Variants in LMX1A observed in about 807,000 individuals in gnomAD.
The protein encoded by LMX1A is LIM homeobox transcription factor 1 alpha.
LMX1A carries 15 observed loss-of-function variants against 49.1 expected under a neutral mutation model. The ratio of observed to expected loss-of-function variants is 0.31; its 90% confidence interval spans 0.20 to 0.47. The LOEUF (loss-of-function observed/expected upper bound fraction) is 0.47, where lower values mean the gene tolerates loss of function less well. Among genes scored for constraint, LMX1A ranks in the 20% least tolerant of loss-of-function variants. LMX1A has a pLI of 1.00. For synonymous variants in LMX1A, 167 were observed against 185.7 expected, an observed-to-expected ratio of 0.90 and a Z score of 0.82; for missense variants, 372 against 475.8, an observed-to-expected ratio of 0.78 and a Z score of 2.03.
chr1:165,339,685 T>C (rs1323722524), intron 3 of LMX1A, among the ~76,000 whole-genome samples: 7 of 152,168 alleles, frequency 4.6e-5, no homozygotes, highest in Admixed American at 2.0e-4. Context: ...CCAGCCCCTG[T>C]ACTGCAGTGA....
At chr1:165,354,536 G>C (rs996438022) in intron 2 of LMX1A, among the ~76,000 whole-genome samples, 3 of 152,104 alleles carry the variant, frequency 2.0e-5, no homozygotes, top group African/African-American at 7.2e-5. Flanking sequence ...GTTCCCGAAA[G>C]GGGGGTTCAA....
intron 3 of LMX1A, among the ~76,000 whole-genome samples, chr1:165,320,006 T>C (rs1366703966): frequency 6.6e-6 from 1 of 152,164 alleles, no homozygotes; most frequent in Non-Finnish European, 1.5e-5. Flanking sequence ...AACCTCTACC[T>C]CCACCTAGAT....
intron 3 of LMX1A, among the ~76,000 whole-genome samples, chr1:165,320,907 C>G (rs1381949213): frequency 6.6e-6 from 1 of 152,148 alleles, no homozygotes; most frequent in Non-Finnish European, 1.5e-5. Context: ...TACACAAAAG[C>G]TAAACATTAT....
chr1:165,271,189 T>G (rs1653781670), intron 3 of LMX1A, among the ~76,000 whole-genome samples: 1 of 136,868 alleles, frequency 7.3e-6, no homozygotes, highest in Non-Finnish European at 1.7e-5. Context: ...TAAGAAAGAA[T>G]TTTTTTGCTC....
chr1:165,284,864 C>T (rs754656969), intron 3 of LMX1A, among the ~76,000 whole-genome samples: 3 of 152,126 alleles, frequency 2.0e-5, no homozygotes, highest in African/African-American at 4.8e-5. Flanking sequence ...AGGAGATTTT[C>T]GGGTTTCTGA....
intron 4 of LMX1A, 50 bp from the exon 5 acceptor site, chr1:165,213,863 G>A (rs754928034): frequency 6.4e-7 from 1 of 1,572,736 alleles, no homozygotes; most frequent in Non-Finnish European, 8.7e-7. Context: ...CCAGTTCCTG[G>A]AGCTGTATGT....
chr1:165,353,291 A>G (rs1333707034), intron 2 of LMX1A, 29 bp from the exon 3 acceptor site: 3 of 1,597,074 alleles, frequency 1.9e-6, no homozygotes, highest in South Asian at 2.2e-5. Flanking sequence ...TTGGCGGGTG[A>G]GCAGCCCGGG....
intron 2 of LMX1A, among the ~76,000 whole-genome samples, chr1:165,354,356 C>A (rs942109801): frequency 4.8e-4 from 73 of 152,134 alleles, no homozygotes; most frequent in African/African-American, 1.7e-3. Flanking sequence ...ATTCTATTTT[C>A]TTTCGGTAGG....
intron 4 of LMX1A, among the ~76,000 whole-genome samples, chr1:165,219,513 AC>A (rs1651763282): frequency 6.6e-6 from 1 of 152,248 alleles, no homozygotes; most frequent in African/African-American, 2.4e-5. Flanking sequence ...TATTTCAGTC[AC>A]TGCCCTGCAC....
At chr1:165,257,137 A>T (rs1192656055) in intron 3 of LMX1A, among the ~76,000 whole-genome samples, 1 of 152,092 alleles carries the variant, frequency 6.6e-6, no homozygotes, top group Non-Finnish European at 1.5e-5. Flanking sequence ...CTTTTTACCC[A>T]TTATCTAACT....
At position 165,279,209 on chromosome 1, in the gene LMX1A, C is replaced by T. The variant is rs1654064793; in HGVS notation, c.264-29569G>A. Among the ~76,000 whole-genome samples the T allele has an allele frequency of 1.3e-5, 2 of 152,164 alleles. 1 individual carries two copies. The highest frequency in any genetic ancestry group is 4.1e-4 in the South Asian group (2 of 4,822). ...CCAATGAAGGCTGAAGTCTGTTATC[C>T]TTTGCAGGGGCTCCTGTGGTTGTGA... On this transcript the variant is annotated intron_variant, in intron 3 of 8. Coordinates refer to ENST00000342310, the MANE Select transcript of LMX1A (RefSeq NM_177398.4).
At chr1:165,294,762 G>A (rs1211579337) in intron 3 of LMX1A, among the ~76,000 whole-genome samples, 3 of 152,158 alleles carry the variant, frequency 2.0e-5, no homozygotes, top group Admixed American at 6.5e-5. Flanking sequence ...TCAGGAATTC[G>A]AGAACAGCCT....
At chr1:165,244,834 C>A (rs1026557377) in intron 4 of LMX1A, among the ~76,000 whole-genome samples, 1 of 131,858 alleles carries the variant, frequency 7.6e-6, no homozygotes, top group African/African-American at 2.9e-5. Context: ...CTCCTGGAGA[C>A]CTTGGGCATC....
intron 3 of LMX1A, among the ~76,000 whole-genome samples, chr1:165,273,212 G>T (rs571309482): frequency 1.4e-3 from 213 of 152,278 alleles, no homozygotes; most frequent in African/African-American, 5.0e-3. Flanking sequence ...CTTGGAGAAG[G>T]AATATCTGAT....
chr1:165,259,915 C>T (rs1487464520), intron 3 of LMX1A, among the ~76,000 whole-genome samples: 1 of 152,152 alleles, frequency 6.6e-6, no homozygotes, highest in Non-Finnish European at 1.5e-5. Flanking sequence ...TTTCCTCCCC[C>T]TCTTCTTTGT....
intron 7 of LMX1A, among the ~76,000 whole-genome samples, chr1:165,207,070 A>G (rs1327131357): frequency 1.3e-5 from 2 of 152,212 alleles, no homozygotes; most frequent in African/African-American, 4.8e-5. Flanking sequence ...TGGTCCACAG[A>G]CTAGCAGCAA....
At chr1:165,248,333 T>A (rs948509518) in intron 4 of LMX1A, among the ~76,000 whole-genome samples, 9 of 152,034 alleles carry the variant, frequency 5.9e-5, no homozygotes. Flanking sequence ...GCCAAAGGGA[T>A]GGATAGAGTG....
At chr1:165,227,629 A>G (rs760429348) in intron 4 of LMX1A, among the ~76,000 whole-genome samples, 11 of 152,220 alleles carry the variant, frequency 7.2e-5, no homozygotes, top group Admixed American at 4.6e-4. Context: ...GCTTTGAGTC[A>G]GAGAAACCTG....
chr1:165,318,483 T>C (rs551037277), intron 3 of LMX1A, among the ~76,000 whole-genome samples: 36 of 150,472 alleles, frequency 2.4e-4, no homozygotes, highest in African/African-American at 8.3e-4. Flanking sequence ...TTTTTTTTTC[T>C]CTGAGGACTC....
Sources: allele counts gnomAD v4.1 joint callset (sites outside exome capture counted in the v4.1 genomes callset), GRCh38; gene constraint gnomAD v4.1.1; transcripts MANE v1.5; gene names NCBI Gene and HGNC (gene_info 2026-07-23, HGNC 2026-07-21).